NBEA: variants seen among roughly 807,000 people sequenced by gnomAD.
NBEA encodes the protein neurobeachin.
Under a neutral mutation model 343.4 loss-of-function variants are expected in NBEA, and 44 were observed. The observed-to-expected ratio is 0.13, with a 90% CI of 0.10 to 0.16. NBEA has a LOEUF of 0.16. NBEA is among the 10% of genes least tolerant of loss of function. The pLI, the probability that NBEA is intolerant of heterozygous loss-of-function variation, is 1.00. For synonymous variants in NBEA, 1,175 were observed against 1,238.7 expected, an observed-to-expected ratio of 0.95 and a Z score of 1.08; for missense variants, 2,555 against 3,631.3, an observed-to-expected ratio of 0.70 and a Z score of 7.62.
chr13:35,627,721 A>G (rs1282050651), intron 48 of NBEA, among the ~76,000 whole-genome samples: 3 of 152,194 alleles, frequency 2.0e-5, no homozygotes, highest in African/African-American at 7.2e-5. Context: ...AAACTGTAAC[A>G]TGGTATTAAA....
At chr13:35,349,351 C>T (rs1423184584) in intron 37 of NBEA, 135 bp downstream of exon 37, 5 of 510,972 alleles carry the variant, frequency 9.8e-6, no homozygotes, top group Non-Finnish European at 1.8e-5. Flanking sequence ...TTTTTAAAAG[C>T]TTTAGTAAAT....
chr13:35,553,894 A>C (rs1020514921), intron 43 of NBEA, among the ~76,000 whole-genome samples: 2 of 152,164 alleles, frequency 1.3e-5, no homozygotes, highest in Non-Finnish European at 2.9e-5. Flanking sequence ...ATGATTAGAT[A>C]GGGCTGCATC....
At chr13:35,209,513 T>G (rs553028270) in intron 32 of NBEA, among the ~76,000 whole-genome samples, 1 of 152,106 alleles carries the variant, frequency 6.6e-6, no homozygotes, top group African/African-American at 2.4e-5. Context: ...CTTTTTTTTT[T>G]GTAAATTTCC....
intron 24 of NBEA, 22 bp from the exon 25 acceptor site, chr13:35,168,965 G>A: frequency 6.9e-7 from 1 of 1,442,780 alleles, no homozygotes; most frequent in Non-Finnish European, 9.1e-7. Flanking sequence ...TCTGTTGTCT[G>A]TTTTGTCTAA....
At chr13:35,174,804 T>G (rs1238651932) in intron 27 of NBEA, among the ~76,000 whole-genome samples, 1 of 151,902 alleles carries the variant, frequency 6.6e-6, no homozygotes, top group Non-Finnish European at 1.5e-5. Context: ...TAATTTTTTT[T>G]TTTTTTTGAG....
chr13:35,288,278 A>G (rs768646540), intron 34 of NBEA, among the ~76,000 whole-genome samples: 4 of 152,010 alleles, frequency 2.6e-5, no homozygotes, highest in Non-Finnish European at 5.9e-5. Context: ...CTCCCAACCA[A>G]AGTGATTATG....
At chr13:35,326,386 G>A (rs2038558234) in intron 36 of NBEA, among the ~76,000 whole-genome samples, 1 of 151,908 alleles carries the variant, frequency 6.6e-6, no homozygotes, top group Admixed American at 6.6e-5. Flanking sequence ...TTTTGGGAGG[G>A]AAAGGGGAAC....
At chr13:35,056,617 T>A (rs1301714748) in intron 7 of NBEA, among the ~76,000 whole-genome samples, 2 of 152,122 alleles carry the variant, frequency 1.3e-5, no homozygotes, top group East Asian at 1.9e-4. Flanking sequence ...GTGGGGAACT[T>A]CTTCTATTCA....
chr13:35,239,465 A>G (rs1429119084), intron 34 of NBEA, among the ~76,000 whole-genome samples: 1 of 152,168 alleles, frequency 6.6e-6, no homozygotes, highest in Admixed American at 6.5e-5. Flanking sequence ...TCGATATTAC[A>G]AAACTGTTAT....
At chr13:35,232,700 T>C (rs1401107931) in intron 34 of NBEA, 81 bp downstream of exon 34, 1 of 1,088,508 alleles carries the variant, frequency 9.2e-7, no homozygotes, top group Non-Finnish European at 1.2e-6. Flanking sequence ...TCTGGAGGAA[T>C]ATATATTTCC....
chr13:35,460,195 A>C (rs900440103), intron 40 of NBEA, among the ~76,000 whole-genome samples: 2 of 152,178 alleles, frequency 1.3e-5, no homozygotes, highest in African/African-American at 4.8e-5. Context: ...TTTTAAACCC[A>C]TGTGTATTTT....
intron 38 of NBEA, among the ~76,000 whole-genome samples, chr13:35,426,492 G>C (rs945178417): frequency 6.6e-6 from 1 of 152,186 alleles, no homozygotes; most frequent in African/African-American, 2.4e-5. Flanking sequence ...CTTCTGGCTT[G>C]TAGAGTTTCT....
chr13:35,291,429 A>G (rs73169720), intron 35 of NBEA, among the ~76,000 whole-genome samples: 10,221 of 151,936 alleles, frequency 0.067, 355 homozygotes, highest in African/African-American at 0.088. Flanking sequence ...TTCTTCAAGA[A>G]TATATTCCTA....
chr13:35,121,513 T>G (rs1213039728), intron 16 of NBEA, among the ~76,000 whole-genome samples: 1 of 151,938 alleles, frequency 6.6e-6, no homozygotes. Flanking sequence ...CTGACTTTGC[T>G]ATTCTCAGAC....
chr13:35,140,767 A>C (rs2068043486), intron 17 of NBEA, among the ~76,000 whole-genome samples: 1 of 152,168 alleles, frequency 6.6e-6, no homozygotes, highest in Admixed American at 6.6e-5. Context: ...TTTCTGTATT[A>C]ATTATGGTAA....
chr13:35,666,410 TAA>T (rs75335884), intron 56 of NBEA, among the ~76,000 whole-genome samples: 169 of 125,518 alleles, frequency 1.3e-3, no homozygotes, highest in Non-Finnish European at 1.8e-3. Flanking sequence ...CCTGTGAAGT[TAA>T]AAAAAAAAAA....
chr13:35,159,304 G>A lies in NBEA; in HGVS notation c.3133G>A (p.Gly1045Arg). 1 of 1,613,584 alleles carries A rather than the reference G, an allele frequency of 6.2e-7. No homozygotes were observed. ...TATTCTTGGAAATTCAGATAGACCA[G>A]GAAGTGGTGTACATGTGGAAGTACA... is the stretch of plus-strand genomic sequence containing the variant. ...DDILGNSDRP[G>R]SGVHVEVHDL... Residue 1045 changes from glycine to arginine, a missense_variant, in exon 22 of 59, where the codon GGA (glycine) becomes AGA (arginine). Gly to Arg is a moderately radical substitution (Grantham distance 125, BLOSUM62 -2). Around this residue, in one of 21 missense-constraint regions of NBEA, gnomAD observed 367 missense variants for 377.5 expected, o/e 0.97. Coordinates refer to ENST00000379939, the MANE Select transcript of NBEA (RefSeq NM_001385012.1).
chr13:35,185,599 A>T (rs972326244), intron 30 of NBEA: 2 of 152,152 alleles, frequency 1.3e-5, no homozygotes, highest in South Asian at 2.1e-4. Context: ...AGGCTCTGCT[A>T]TGGGAAGTAT....
chr13:34,971,390 C>A (rs1175213494), intron 1 of NBEA, among the ~76,000 whole-genome samples: 1 of 149,594 alleles, frequency 6.7e-6, no homozygotes, highest in Non-Finnish European at 1.5e-5. Context: ...TGATTCCCTG[C>A]TGAATAGGAG....
Sources: allele counts gnomAD v4.1 joint callset (sites outside exome capture counted in the v4.1 genomes callset), GRCh38; gene constraint gnomAD v4.1.1; regional missense constraint gnomAD v4.1.1; transcripts MANE v1.5; gene names NCBI Gene and HGNC (gene_info 2026-07-23, HGNC 2026-07-21).